Variants in SCRG1 observed in about 807,000 individuals in gnomAD.
The protein encoded by SCRG1 is stimulator of chondrogenesis 1, also known as scrapie-responsive protein 1.
A neutral mutation model predicts 7.7 loss-of-function variants in SCRG1; 3 were observed. That is an observed-to-expected ratio of 0.39 (90% CI 0.18 to 1.01). The LOEUF is 1.01. Ranked by LOEUF, SCRG1 falls within the 50% of genes least tolerant of loss-of-function variation. The pLI is 0.36. For synonymous variants in SCRG1, 46 were observed against 41.2 expected (o/e 1.12, Z -0.44); for missense variants, 110 against 117.2 (o/e 0.94, Z 0.28).
the SCRG1 span, among the ~76,000 whole-genome samples, chr4:173,471,491 C>A: frequency 1.3e-5 from 2 of 152,148 alleles, no homozygotes; most frequent in Non-Finnish European, 2.9e-5. Context: ...TTTCTACCAA[C>A]CTCGTCCATC....
chr4:173,465,508 C>A, the SCRG1 span, among the ~76,000 whole-genome samples: 434 of 152,112 alleles, frequency 2.9e-3, no homozygotes, highest in African/African-American at 9.9e-3. Context: ...AGTCCCCTCA[C>A]CTTGAGTGTG....
At chr4:173,486,635 T>G in the SCRG1 span, among the ~76,000 whole-genome samples, 2 of 152,162 alleles carry the variant, frequency 1.3e-5, no homozygotes, top group Non-Finnish European at 2.9e-5. Flanking sequence ...GCTACCTCCT[T>G]CCTTTTTCTT....
the SCRG1 span, among the ~76,000 whole-genome samples, chr4:173,461,788 G>A: frequency 8.6e-5 from 13 of 151,932 alleles, no homozygotes; most frequent in Admixed American, 3.3e-4. Flanking sequence ...CAAATTAGCT[G>A]TGTTGAGAAA....
At chr4:173,434,106 G>A in the SCRG1 span, among the ~76,000 whole-genome samples, 3 of 152,276 alleles carry the variant, frequency 2.0e-5, no homozygotes, top group African/African-American at 7.2e-5. Flanking sequence ...GTCCTCCAAG[G>A]GAGTGGCTCT....
chr4:173,506,419 C>G, the SCRG1 span, among the ~76,000 whole-genome samples: 2 of 152,176 alleles, frequency 1.3e-5, no homozygotes, highest in African/African-American at 2.4e-5. This position sits in a 1 kb window ranked among gnomAD's most constrained non-coding sequence, Gnocchi z 5.3. Flanking sequence ...ATCAACTCCT[C>G]TCATGCCTGG....
At chr4:173,442,945 G>C in the SCRG1 span, among the ~76,000 whole-genome samples, 1 of 152,056 alleles carries the variant, frequency 6.6e-6, no homozygotes, top group African/African-American at 2.4e-5. Context: ...AGTTTTAGAG[G>C]GGACATTCAA....
the SCRG1 span, among the ~76,000 whole-genome samples, chr4:173,484,869 T>A: frequency 1.3e-5 from 1 of 79,800 alleles, no homozygotes; most frequent in South Asian, 4.1e-4. Context: ...TTATGTATAT[T>A]TTATATATTA....
the SCRG1 span, chr4:173,469,282 A>C: frequency 6.6e-6 from 1 of 152,206 alleles, no homozygotes; most frequent in African/African-American, 2.4e-5. Context: ...GTAATCAATT[A>C]AATCTTTTTA....
At chr4:173,481,886 G>C in the SCRG1 span, among the ~76,000 whole-genome samples, 1 of 152,134 alleles carries the variant, frequency 6.6e-6, no homozygotes, top group African/African-American at 2.4e-5. Flanking sequence ...AAAGTGTTTG[G>C]GGAGTCGAAA....
chr4:173,484,843 TTA>T, the SCRG1 span, among the ~76,000 whole-genome samples: 1,096 of 84,926 alleles, frequency 0.013, 19 homozygotes, highest in Non-Finnish European at 0.019. Flanking sequence ...GTACAATATA[TTA>T]TATATAATAT....
the SCRG1 span, among the ~76,000 whole-genome samples, chr4:173,512,262 C>T: frequency 6.6e-6 from 1 of 152,176 alleles, no homozygotes; most frequent in South Asian, 2.1e-4. Context: ...CAGAGGATGG[C>T]TTAACCTCAG....
the SCRG1 span, among the ~76,000 whole-genome samples, chr4:173,497,391 C>A: frequency 6.6e-6 from 1 of 152,044 alleles, no homozygotes; most frequent in Non-Finnish European, 1.5e-5. Flanking sequence ...TTGTTTAGGT[C>A]CCCTAGCCTG....
the SCRG1 span, among the ~76,000 whole-genome samples, chr4:173,423,670 T>A: frequency 3.9e-5 from 5 of 127,210 alleles, no homozygotes; most frequent in South Asian, 2.5e-4. Context: ...TTTTTTTTAA[T>A]TTTTTTTTTA....
chr4:173,459,481 T>G, the SCRG1 span, among the ~76,000 whole-genome samples: 1 of 152,106 alleles, frequency 6.6e-6, no homozygotes, highest in Admixed American at 6.6e-5. Flanking sequence ...CTTGAATACA[T>G]GAAAACTTAA....
At chr4:173,500,589 C>T in the SCRG1 span, among the ~76,000 whole-genome samples, 1 of 152,080 alleles carries the variant, frequency 6.6e-6, no homozygotes, top group Non-Finnish European at 1.5e-5. Context: ...AGGTGATTCT[C>T]CCACCTCAGC....
At chr4:173,428,167 A>C in the SCRG1 span, among the ~76,000 whole-genome samples, 1 of 152,116 alleles carries the variant, frequency 6.6e-6, no homozygotes, top group African/African-American at 2.4e-5. Flanking sequence ...TTGGGTTAAC[A>C]CTCCATTTAA....
chr4:173,451,742 C>A, the SCRG1 span, among the ~76,000 whole-genome samples: 1 of 151,676 alleles, frequency 6.6e-6, no homozygotes, highest in African/African-American at 2.4e-5. Context: ...GATCTCAGCT[C>A]ACTGTAATCT....
chr4:173,464,881 T>G, the SCRG1 span, among the ~76,000 whole-genome samples: 1 of 152,182 alleles, frequency 6.6e-6, no homozygotes, highest in Non-Finnish European at 1.5e-5. Flanking sequence ...AAACATGGTA[T>G]GTACATGCAA....
chr4:173,483,868 G>A, the SCRG1 span, among the ~76,000 whole-genome samples: 1 of 63,214 alleles, frequency 1.6e-5, no homozygotes, highest in Non-Finnish European at 2.6e-5. Flanking sequence ...TATTACATAT[G>A]TTATATATAT....
Sources: gnomAD v4.1 joint callset for allele counts (sites outside exome capture counted in the v4.1 genomes callset) on GRCh38, gnomAD v4.1.1 for gene constraint, Gnocchi (gnomAD v3.1) non-coding constraint, MANE v1.5 for transcripts, NCBI Gene and HGNC (gene_info 2026-07-23, HGNC 2026-07-21) for gene names.